Variants in DOCK4 observed in about 807,000 individuals in gnomAD.
The protein encoded by DOCK4 is dedicator of cytokinesis 4.
A neutral mutation model predicts 268.1 loss-of-function variants in DOCK4; 97 were observed. The observed-to-expected ratio is 0.36, with a 90% CI of 0.31 to 0.43. The LOEUF (loss-of-function observed/expected upper bound fraction) is 0.43. DOCK4 is among the 20% of genes least tolerant of loss of function. DOCK4 has a pLI of 1.00. For synonymous variants in DOCK4, 954 were observed against 887.2 expected (o/e 1.08, Z -1.34); for missense variants, 2,145 against 2,455.7 (o/e 0.87, Z 2.67).
intron 30 of DOCK4, among the ~76,000 whole-genome samples, chr7:111,799,003 G>A (rs891362882): frequency 6.6e-6 from 1 of 152,220 alleles, no homozygotes; most frequent in African/African-American, 2.4e-5. Flanking sequence ...AAGTGAGGTA[G>A]CCAAAGGAAA....
At chr7:111,995,445 GTGTGTGTGTGTGTA>G (rs778900383) in intron 4 of DOCK4, among the ~76,000 whole-genome samples, 1,690 of 110,752 alleles carry the variant, frequency 0.015, 15 homozygotes, top group East Asian at 0.029. Flanking sequence ...GTGTGTGTGT[GTGTGTGTGTGTGTA>G]TGTGCAGGTG....
At chr7:111,838,177 C>T (rs993779502) in intron 25 of DOCK4, among the ~76,000 whole-genome samples, 1 of 148,602 alleles carries the variant, frequency 6.7e-6, no homozygotes, top group African/African-American at 2.5e-5. Flanking sequence ...CCTAGCATAG[C>T]TTTGGGGATT....
In DOCK4 at chr7:111,844,884, A is replaced by G; in HGVS notation, c.2615T>C (p.Leu872Pro). Residue 872 changes from leucine to proline, a missense_variant, in exon 25 of 53, where the codon CTG becomes CCG. Leu to Pro is a moderately conservative substitution (Grantham distance 98, BLOSUM62 -3). Transcript: ENST00000428084. Reference protein sequence around the residue: ...IKKNSSEKSVLEEIDVIVASL... With the variant: ...IKKNSSEKSVPEEIDVIVASL... ...GGCCACTATCACATCTATTTCCTCCAGCACAGATTTTTCCTTAAGAGAAAA... is the reference window on the plus strand; with the variant it reads ...GGCCACTATCACATCTATTTCCTCCGGCACAGATTTTTCCTTAAGAGAAAA... 6.2e-7 allele frequency: 1 copy of G among 1,611,148 alleles called. No homozygotes were observed. Among genetic ancestry groups the G allele is most frequent in the Non-Finnish European group, 8.5e-7 (1 of 1,178,718 alleles).
At chr7:111,927,400 T>C (rs1441439988) in intron 12 of DOCK4, among the ~76,000 whole-genome samples, 1 of 152,212 alleles carries the variant, frequency 6.6e-6, no homozygotes, top group Admixed American at 6.5e-5. Flanking sequence ...ATTAAAGACA[T>C]GTGAAATTAT....
chr7:111,862,967 A>G (rs1805674281), intron 23 of DOCK4: 1 of 202,868 alleles, frequency 4.9e-6, no homozygotes, highest in Non-Finnish European at 1.0e-5. Flanking sequence ...TTATAACAAA[A>G]TTAATTTGAG....
chr7:112,010,861 G>A (rs1212196129), intron 1 of DOCK4, among the ~76,000 whole-genome samples: 1 of 152,174 alleles, frequency 6.6e-6, no homozygotes, highest in African/African-American at 2.4e-5. Flanking sequence ...ATATATTGCT[G>A]CCTTTGACTG....
At chr7:112,167,591 C>A (rs377620917) in intron 1 of DOCK4, among the ~76,000 whole-genome samples, 1 of 152,202 alleles carries the variant, frequency 6.6e-6, no homozygotes, top group Non-Finnish European at 1.5e-5. Context: ...TATTGTCATA[C>A]ATATTCAAGG....
intron 13 of DOCK4, among the ~76,000 whole-genome samples, chr7:111,911,512 A>G (rs893503690): frequency 6.6e-6 from 1 of 152,142 alleles, no homozygotes; most frequent in Non-Finnish European, 1.5e-5. Context: ...TTTTAAAAAA[A>G]CCTCTTTTGT....
At position 111,984,332 on chromosome 7, in the gene DOCK4, T is replaced by G; in HGVS notation, c.523A>C (p.Ile175Leu). ...AATCGGTAGAGCTCAGTAATGCTGATGTCTTCCGGATCCACCATTGCGTAC... is the reference window on the plus strand; with the variant it reads ...AATCGGTAGAGCTCAGTAATGCTGAGGTCTTCCGGATCCACCATTGCGTAC... ...KEYAMVDPED[I>L]SITELYRLME... The change falls in exon 7 of 53, where the codon ATC (isoleucine) becomes CTC (leucine). Residue 175 changes from isoleucine (I) to leucine (L), a missense_variant. Ile to Leu is a conservative substitution (Grantham distance 5). This residue lies in a region of DOCK4 where 1,598 missense variants were observed against 1,986.7 expected (regional missense o/e 0.80). Coordinates refer to ENST00000428084, the MANE Select transcript of DOCK4 (RefSeq NM_001363540.2). The G allele has an allele frequency of 6.2e-7, 1 of 1,613,212 alleles. No individual in the cohort carries two copies. Among genetic ancestry groups the G allele is most frequent in the Non-Finnish European group, 8.5e-7 (1 of 1,179,556 alleles).
At chr7:112,086,169 A>G (rs961598252) in intron 1 of DOCK4, among the ~76,000 whole-genome samples, 4 of 152,108 alleles carry the variant, frequency 2.6e-5, no homozygotes, top group Non-Finnish European at 4.4e-5. Context: ...TAATTTTTGA[A>G]GTTCAAAAAA....
chr7:111,954,032 C>T (rs1796261623), intron 8 of DOCK4, among the ~76,000 whole-genome samples: 1 of 152,160 alleles, frequency 6.6e-6, no homozygotes, highest in Non-Finnish European at 1.5e-5. Context: ...ATTTCTCATT[C>T]CCTATGTATT....
intron 16 of DOCK4, among the ~76,000 whole-genome samples, chr7:111,890,076 G>A (rs927496165): frequency 1.3e-5 from 2 of 152,178 alleles, no homozygotes; most frequent in African/African-American, 4.8e-5. Context: ...CCATTACAGT[G>A]AGTCAGAATG....
At chr7:112,052,931 A>G (rs189760623) in intron 1 of DOCK4, among the ~76,000 whole-genome samples, 58 of 152,330 alleles carry the variant, frequency 3.8e-4, no homozygotes, top group Admixed American at 2.0e-3. Flanking sequence ...GAACACACCA[A>G]TATGATTCCA....
intron 28 of DOCK4, among the ~76,000 whole-genome samples, chr7:111,810,409 G>T (rs1050946554): frequency 4.0e-5 from 6 of 151,532 alleles, no homozygotes; most frequent in African/African-American, 1.5e-4. Flanking sequence ...CCGAGATTGC[G>T]CCACTGCACT....
chr7:111,960,045 A>G (rs1393099333), intron 8 of DOCK4, among the ~76,000 whole-genome samples: 1 of 151,922 alleles, frequency 6.6e-6, no homozygotes, highest in African/African-American at 2.4e-5. Context: ...TATTTTTAAC[A>G]TTTTACTTAT....
intron 1 of DOCK4, among the ~76,000 whole-genome samples, chr7:112,054,417 G>T (rs927920361): frequency 3.9e-5 from 6 of 152,186 alleles, no homozygotes; most frequent in Non-Finnish European, 8.8e-5. Context: ...CTAGGGAAAA[G>T]AACTTTCACT....
intron 1 of DOCK4, among the ~76,000 whole-genome samples, chr7:112,035,152 C>T (rs374954834): frequency 6.6e-6 from 1 of 152,208 alleles, no homozygotes; most frequent in East Asian, 1.9e-4. Flanking sequence ...ACAGCCAGCC[C>T]TTAAATAGTA....
chr7:111,931,811 C>T (rs1271894103), intron 12 of DOCK4, among the ~76,000 whole-genome samples: 1 of 152,220 alleles, frequency 6.6e-6, no homozygotes, highest in African/African-American at 2.4e-5. Context: ...ATTAAACACA[C>T]ACCATGTATG....
At chr7:112,092,274 G>A (rs923732234) in intron 1 of DOCK4, among the ~76,000 whole-genome samples, 1 of 152,062 alleles carries the variant, frequency 6.6e-6, no homozygotes, top group Non-Finnish European at 1.5e-5. Flanking sequence ...TCTTTCATCT[G>A]CCACTAAATA....
Sources: gnomAD v4.1 joint callset for allele counts (sites outside exome capture counted in the v4.1 genomes callset) on GRCh38, gnomAD v4.1.1 for gene constraint, gnomAD v4.1.1 regional missense constraint, MANE v1.5 for transcripts, NCBI Gene and HGNC (gene_info 2026-07-23, HGNC 2026-07-21) for gene names.